GRID2: variants seen among roughly 807,000 people sequenced by gnomAD.
GRID2 encodes the protein glutamate ionotropic receptor delta type subunit 2.
GRID2 carries 33 observed loss-of-function variants against 114.8 expected under a neutral mutation model. The observed-to-expected ratio is 0.29, with a 90% CI of 0.22 to 0.38. GRID2 has a LOEUF of 0.38. Ranked by LOEUF, GRID2 falls within the 10% of genes least tolerant of loss-of-function variation. GRID2 has a pLI of 1.00. For synonymous variants in GRID2, 505 were observed against 449.9 expected, an observed-to-expected ratio of 1.12 and a Z score of -1.55; for missense variants, 1,184 against 1,257.7, an observed-to-expected ratio of 0.94 and a Z score of 0.89.
chr4:93,351,199 G>T (rs547980036), intron 8 of GRID2, among the ~76,000 whole-genome samples: 1 of 152,116 alleles, frequency 6.6e-6, no homozygotes, highest in South Asian at 2.1e-4. Context: ...TAAAACACAG[G>T]TCATGCATTC....
intron 10 of GRID2, among the ~76,000 whole-genome samples, chr4:93,424,160 C>A (rs546754162): frequency 6.6e-6 from 1 of 151,536 alleles, no homozygotes; most frequent in East Asian, 1.9e-4. Context: ...TTATTAACCT[C>A]ATACCAAATA....
intron 14 of GRID2, among the ~76,000 whole-genome samples, chr4:93,715,150 G>T (rs1427816573): frequency 6.6e-6 from 1 of 152,060 alleles, no homozygotes; most frequent in Non-Finnish European, 1.5e-5. Context: ...TCTGCCTATG[G>T]CTAACCAGTT....
chr4:93,546,884 A>G (rs1578232229), intron 13 of GRID2, among the ~76,000 whole-genome samples: 1 of 152,172 alleles, frequency 6.6e-6, no homozygotes, highest in East Asian at 1.9e-4. Flanking sequence ...TTTCTGTTCT[A>G]GTTGGCTAAA....
intron 14 of GRID2, among the ~76,000 whole-genome samples, chr4:93,693,165 A>G (rs74627459): frequency 0.041 from 6,261 of 152,286 alleles, 199 homozygotes; most frequent in African/African-American, 0.081. Flanking sequence ...AAAAGTAAAG[A>G]CTTGAATATG....
At chr4:93,620,112 G>T (rs1157337363) in intron 13 of GRID2, among the ~76,000 whole-genome samples, 1 of 152,180 alleles carries the variant, frequency 6.6e-6, no homozygotes, top group Non-Finnish European at 1.5e-5. Context: ...TCACAGTGTT[G>T]TAAAGAACAA....
chr4:92,704,725 C>T (rs548708742), intron 2 of GRID2, among the ~76,000 whole-genome samples: 25 of 133,246 alleles, frequency 1.9e-4, no homozygotes, highest in African/African-American at 7.3e-4. Flanking sequence ...CTCTCTCTTT[C>T]TCTCTCTCTC....
At chr4:93,546,912 G>C (rs1184217314) in intron 13 of GRID2, among the ~76,000 whole-genome samples, 1 of 151,904 alleles carries the variant, frequency 6.6e-6, no homozygotes, top group Non-Finnish European at 1.5e-5. Context: ...TCTTACTTTA[G>C]GTATATCATA....
Position 93,630,001 on chromosome 4 carries a change from C to T in GRID2, c.2360+3566C>T, listed in dbSNP as rs578004993. Among the ~76,000 whole-genome samples, 31 of 152,188 alleles carry T rather than the reference C, an allele frequency of 2.0e-4. 1 individual carries two copies. Among genetic ancestry groups the T allele is most frequent in the East Asian group, 7.7e-4 (4 of 5,172 alleles). ...CCTGGACAAGCATCAAATTCAGGTT[C>T]GGAGACATGGGTTATATCAATACAC... On this transcript the variant is annotated intron_variant, in intron 14 of 15. Transcript: ENST00000282020.
rs1162037318 is a variant in GRID2, at chr4:92,638,436, A to T, written c.244+48150A>T. Among the ~76,000 whole-genome samples the T allele has an allele frequency of 8.1e-5, 12 of 147,722 alleles. 1 individual carries two copies. Among genetic ancestry groups the T allele is most frequent in the Non-Finnish European group, 1.8e-4 (12 of 67,062 alleles). ...TACAAGGGACAAAATTATATATATA[A>T]AATATTAAATAATATATAAAATACA... On this transcript the variant is annotated intron_variant, in intron 2 of 15. Transcript: ENST00000282020.
chr4:92,450,664 A>G (rs1239065243), intron 1 of GRID2, among the ~76,000 whole-genome samples: 2 of 151,448 alleles, frequency 1.3e-5, no homozygotes, highest in African/African-American at 4.9e-5. Context: ...TGATTTTTCT[A>G]CTCATATGAT....
intron 1 of GRID2, among the ~76,000 whole-genome samples, chr4:93,798,671 G>A (rs1045656521): frequency 6.6e-6 from 1 of 152,200 alleles, no homozygotes; most frequent in Non-Finnish European, 1.5e-5. Context: ...GTGCTCTTAT[G>A]TGTTATTGAC....
intron 2 of GRID2, among the ~76,000 whole-genome samples, chr4:92,913,387 C>G (rs769024825): frequency 2.2e-4 from 33 of 151,892 alleles, no homozygotes; most frequent in Admixed American, 8.5e-4. Context: ...ATTATTGTTA[C>G]GTTTTTGTCT....
intron 11 of GRID2, among the ~76,000 whole-genome samples, chr4:93,488,556 G>A (rs528789933): frequency 1.3e-5 from 2 of 151,998 alleles, no homozygotes; most frequent in African/African-American, 4.8e-5. Context: ...AAGTAGTATT[G>A]TATCTCTTTA....
At chr4:93,260,034 G>C (rs1311928461) in intron 8 of GRID2, among the ~76,000 whole-genome samples, 1 of 151,690 alleles carries the variant, frequency 6.6e-6, no homozygotes, top group Non-Finnish European at 1.5e-5. Context: ...TTTTACGTAG[G>C]AGGTATGTAC....
At chr4:92,591,780 G>C (rs917881718) in intron 2 of GRID2, among the ~76,000 whole-genome samples, 3 of 152,068 alleles carry the variant, frequency 2.0e-5, no homozygotes, top group African/African-American at 7.2e-5. Context: ...TAATGGAATG[G>C]AGTAAAAAAT....
intron 4 of GRID2, among the ~76,000 whole-genome samples, chr4:93,121,167 A>T (rs1049256086): frequency 6.6e-6 from 1 of 152,112 alleles, no homozygotes; most frequent in African/African-American, 2.4e-5. Context: ...TTTTTCTAAA[A>T]TAAATTATTT....
chr4:93,782,752 A>C (rs1317916704), intron 1 of GRID2, among the ~76,000 whole-genome samples: 1 of 152,240 alleles, frequency 6.6e-6, no homozygotes, highest in Non-Finnish European at 1.5e-5. Flanking sequence ...TATCAAATAT[A>C]AAACAAGAAA....
intron 1 of GRID2, among the ~76,000 whole-genome samples, chr4:92,441,739 G>A (rs1733099325): frequency 6.6e-6 from 1 of 152,066 alleles, no homozygotes; most frequent in African/African-American, 2.4e-5. Context: ...GGGTGATTAG[G>A]TTTTAATGAG....
intron 1 of GRID2, among the ~76,000 whole-genome samples, chr4:92,589,163 C>A (rs1728594648): frequency 1.3e-5 from 2 of 152,050 alleles, no homozygotes; most frequent in Non-Finnish European, 2.9e-5. Flanking sequence ...AAGCCAGCTC[C>A]ACACTGGCTT....
Sources: gnomAD v4.1 joint callset for allele counts (sites outside exome capture counted in the v4.1 genomes callset) on GRCh38, gnomAD v4.1.1 for gene constraint, MANE v1.5 for transcripts, NCBI Gene and HGNC (gene_info 2026-07-23, HGNC 2026-07-21) for gene names.